The following CDYL variants were observed in gnomAD, a reference collection of about 807,000 sequenced individuals.
The protein encoded by CDYL is chromodomain Y like.
CDYL carries 8 observed loss-of-function variants against 47.3 expected under a neutral mutation model. The observed-to-expected ratio is 0.17, with a 90% CI of 0.10 to 0.31. The LOEUF (loss-of-function observed/expected upper bound fraction) is 0.31, where lower values mean the gene tolerates loss of function less well. CDYL is among the 10% of genes least tolerant of loss of function. The pLI is 1.00. For missense variants in CDYL, 471 were observed against 701.4 expected, an observed-to-expected ratio of 0.67 and a Z score of 3.71; for synonymous variants, 266 against 265.0, an observed-to-expected ratio of 1.00 and a Z score of -0.04.
At chr6:4,782,283 C>G (rs1204487147) in intron 1 of CDYL, among the ~76,000 whole-genome samples, 5 of 152,148 alleles carry the variant, frequency 3.3e-5, no homozygotes, top group African/African-American at 9.7e-5. Flanking sequence ...CTTTAAAGCT[C>G]AGATTCATTT....
intron 3 of CDYL, among the ~76,000 whole-genome samples, chr6:4,769,313 T>A (rs1438070466): frequency 2.6e-5 from 4 of 152,200 alleles, no homozygotes; most frequent in Non-Finnish European, 5.9e-5. Context: ...CTAAATCTGT[T>A]AAAATCTAAA....
intron 1 of CDYL, among the ~76,000 whole-genome samples, chr6:4,827,205 T>G (rs1460252636): frequency 2.6e-5 from 4 of 152,236 alleles, no homozygotes. Context: ...TTGAGTTTCC[T>G]GTAGATAACA....
chr6:4,765,091 G>T (rs933638817), intron 3 of CDYL, among the ~76,000 whole-genome samples: 3 of 152,110 alleles, frequency 2.0e-5, no homozygotes, highest in African/African-American at 7.2e-5. Flanking sequence ...GGGAGGTCAA[G>T]GTGGGTGGAT....
Position 4,935,655 on chromosome 6 carries a change from G to C in CDYL, c.832G>C (p.Val278Leu). The change falls in exon 3 of 7, where the codon GTG (valine) becomes CTG (leucine). Residue 278 changes from valine (V) to leucine (L), a missense_variant. Physicochemically the swap from Val to Leu is conservative, Grantham distance 32 (BLOSUM62 1). This residue lies in a region of CDYL where 103 missense variants were observed against 277.1 expected (regional missense o/e 0.37). Coordinates refer to ENST00000397588, the MANE Select transcript of CDYL (RefSeq NM_004824.4). ...TTTTGACAAGCGATTGCGTTTCAGC[G>C]TGAGGCAAACAGAAAGTGCCTACAG... is the stretch of plus-strand genomic sequence containing the variant. ...QPFDKRLRFS[V>L]RQTESAYRYR... The C allele has an allele frequency of 1.2e-6, 2 of 1,614,238 alleles. No homozygotes were observed. Among genetic ancestry groups the C allele is most frequent in the Non-Finnish European group, 1.7e-6 (2 of 1,180,034 alleles).
chr6:4,918,369 G>GCC (rs140155347), intron 2 of CDYL, among the ~76,000 whole-genome samples: 40 of 148,618 alleles, frequency 2.7e-4, no homozygotes, highest in African/African-American at 9.6e-4. Flanking sequence ...GTGATGTTCT[G>GCC]CCCCCCCCCC....
intron 3 of CDYL, among the ~76,000 whole-genome samples, chr6:4,758,515 T>G (rs1300058309): frequency 6.6e-6 from 1 of 151,268 alleles, no homozygotes; most frequent in Non-Finnish European, 1.5e-5. Flanking sequence ...CAAAAGAAAT[T>G]AGCTGAGAGT....
At chr6:4,842,214 T>C (rs570426650) in intron 1 of CDYL, among the ~76,000 whole-genome samples, 3 of 145,640 alleles carry the variant, frequency 2.1e-5, no homozygotes, top group South Asian at 4.2e-4. Context: ...TAATAATATA[T>C]AATTATATAT....
chr6:4,777,704 G>A lies in CDYL; in HGVS notation c.24+897G>A, dbSNP rs116308244. Reference sequence around the variant, plus strand: ...CTTTATGATGCGTTTAGGGACCTGGGTGTTGAGGGACTTAAGGAAGCATCT... The same window carrying A: ...CTTTATGATGCGTTTAGGGACCTGGATGTTGAGGGACTTAAGGAAGCATCT... On this transcript the variant is annotated intron_variant, in intron 1 of 6. Coordinates refer to ENST00000397588, the MANE Select transcript of CDYL (RefSeq NM_004824.4). Among the ~76,000 whole-genome samples, 1,126 of 152,274 alleles carry A rather than the reference G, an allele frequency of 7.4e-3. 12 individuals carry two copies. Among genetic ancestry groups the A allele is most frequent in the African/African-American group, 0.025 (1,050 of 41,540 alleles).
At chr6:4,856,020 A>G (rs113817856) in intron 1 of CDYL, among the ~76,000 whole-genome samples, 3,307 of 152,326 alleles carry the variant, frequency 0.022, 126 homozygotes, top group African/African-American at 0.076. Context: ...TCAACTTCTG[A>G]CACATTAAAA....
intron 3 of CDYL, among the ~76,000 whole-genome samples, chr6:4,742,010 A>G (rs1206966368): frequency 1.3e-5 from 2 of 152,160 alleles, no homozygotes; most frequent in Non-Finnish European, 2.9e-5. Flanking sequence ...TTTACATGCA[A>G]TATAATTGCT....
chr6:4,941,250 G>A (rs1758352480), intron 4 of CDYL, among the ~76,000 whole-genome samples: 1 of 152,180 alleles, frequency 6.6e-6, no homozygotes, highest in Admixed American at 6.5e-5. Context: ...ACAGAAGCAG[G>A]GGCTACTTGG....
intron 1 of CDYL, among the ~76,000 whole-genome samples, chr6:4,789,872 A>G (rs1355904430): frequency 1.3e-5 from 2 of 152,220 alleles, no homozygotes; most frequent in South Asian, 4.1e-4. Flanking sequence ...AATGAAAGAC[A>G]TCAGGTGAAC....
chr6:4,901,729 A>G (rs991612344), intron 2 of CDYL, among the ~76,000 whole-genome samples: 6 of 152,170 alleles, frequency 3.9e-5, no homozygotes, highest in African/African-American at 1.4e-4. Context: ...ATTACTCAAG[A>G]CTTTCGCTTC....
intron 2 of CDYL, among the ~76,000 whole-genome samples, chr6:4,899,951 GT>G (rs570893950): frequency 1.3e-5 from 2 of 152,246 alleles, no homozygotes; most frequent in Non-Finnish European, 2.9e-5. Context: ...GACTTTGAGA[GT>G]TTTTTCCCTG....
chr6:4,743,091 G>C lies in CDYL; in HGVS notation c.186+8247G>C, dbSNP rs372071448. Among the ~76,000 whole-genome samples the C allele has an allele frequency of 8.2e-4, 125 of 152,300 alleles. 1 individual carries two copies. The South Asian group carries it at 0.016, about 20-fold the overall frequency. ...TTTATTTAGAGCTCTTTATGCTCTG[G>C]CCATCCTTTCCCTCTCCAATTGGCC... is the stretch of plus-strand genomic sequence containing the variant. On this transcript the variant is annotated intron_variant, in intron 3 of 8. Transcript: ENST00000328908.
At chr6:4,913,027 T>C (rs1438124948) in intron 2 of CDYL, among the ~76,000 whole-genome samples, 1 of 152,210 alleles carries the variant, frequency 6.6e-6, no homozygotes, top group Non-Finnish European at 1.5e-5. Flanking sequence ...TGAGGTGGAC[T>C]AGCAGAAGTC....
chr6:4,753,099 A>T (rs1351111985), intron 3 of CDYL, among the ~76,000 whole-genome samples: 1 of 151,918 alleles, frequency 6.6e-6, no homozygotes, highest in Non-Finnish European at 1.5e-5. Context: ...TCTGGTAGAG[A>T]CGGGGTTTTG....
chr6:4,762,705 A>C (rs572749135), intron 3 of CDYL, among the ~76,000 whole-genome samples: 52 of 151,698 alleles, frequency 3.4e-4, no homozygotes, highest in Middle Eastern at 3.4e-3. Context: ...TAAAGCAAGA[A>C]TTTGTAAACC....
At chr6:4,762,700 C>G (rs1758194941) in intron 3 of CDYL, among the ~76,000 whole-genome samples, 1 of 100,234 alleles carries the variant, frequency 1.0e-5, no homozygotes, top group Admixed American at 9.6e-5. Flanking sequence ...ACAATTAAAG[C>G]AAGAATTTGT....
Sources: allele counts gnomAD v4.1 joint callset (sites outside exome capture counted in the v4.1 genomes callset), GRCh38; gene constraint gnomAD v4.1.1; regional missense constraint gnomAD v4.1.1; transcripts MANE v1.5; gene names NCBI Gene and HGNC (gene_info 2026-07-23, HGNC 2026-07-21).